The following STRADA variants were observed in gnomAD, a reference collection of about 807,000 sequenced individuals.
STRADA encodes the protein STE20 related adaptor alpha.
STRADA carries 26 observed loss-of-function variants against 55.0 expected under a neutral mutation model. The ratio of observed to expected loss-of-function variants is 0.47; its 90% CI spans 0.35 to 0.66. The LOEUF is 0.66. Among genes scored for constraint, STRADA ranks in the 30% least tolerant of loss-of-function variants. STRADA has a pLI of 0.01. For synonymous variants in STRADA, 197 were observed against 210.9 expected, an observed-to-expected ratio of 0.93 and a Z score of 0.57; for missense variants, 443 against 549.7, an observed-to-expected ratio of 0.81 and a Z score of 1.94.
intron 3 of STRADA, 63 bp from the exon 4 acceptor site, chr17:63,723,389 A>G: frequency 6.3e-7 from 1 of 1,589,986 alleles, no homozygotes; most frequent in Admixed American, 1.7e-5. Flanking sequence ...CCACATTCAG[A>G]ACAGCAATTA....
rs57585655 is a variant in STRADA, at chr17:63,740,147, T to TACACACACACAC, written c.-45+1582_-45+1593dup. 8.4e-4 allele frequency among the ~76,000 whole-genome samples: 56 copies of TACACACACACAC among 66,976 alleles called. 4 individuals carry two copies. The highest frequency in any genetic ancestry group is 3.6e-3 in the South Asian group (5 of 1,402). The allele number at this position is 66,976 out of a possible 152,430, so 43.9% of individuals were successfully genotyped here. On this transcript the variant is annotated intron_variant, in intron 1 of 12. Coordinates refer to ENST00000336174, the MANE Select transcript of STRADA (RefSeq NM_001003787.4). ...ATATATACACATACATATATATATA[T>TACACACACACAC]ACACACACACACACACACACACACA...
chr17:63,713,929 A>G (rs1168629585), intron 5 of STRADA, 77 bp downstream of exon 5: 1 of 1,191,420 alleles, frequency 8.4e-7, no homozygotes, highest in African/African-American at 1.5e-5. Context: ...TGCTGTACAC[A>G]CATCTGGGGC....
chr17:63,728,459 T>C, intron 1 of STRADA, 46 bp from the exon 2 acceptor site: 1 of 1,093,534 alleles, frequency 9.1e-7, no homozygotes, highest in South Asian at 1.4e-5. Context: ...AATCTCCTTA[T>C]AGAGAAATAT....
intron 11 of STRADA, 66 bp downstream of exon 11, chr17:63,704,275 C>T: frequency 6.3e-7 from 1 of 1,594,964 alleles, no homozygotes; most frequent in Non-Finnish European, 8.5e-7. Flanking sequence ...TCCCTTCACA[C>T]CCTGGCCTTA....
At chr17:63,714,242 C>T (rs2036707915) in intron 4 of STRADA, 134 bp from the exon 5 acceptor site, 1 of 677,018 alleles carries the variant, frequency 1.5e-6, no homozygotes, top group Middle Eastern at 2.5e-4. Context: ...AGTGCCAGCA[C>T]TATTTGAAGA....
intron 6 of STRADA, among the ~76,000 whole-genome samples, chr17:63,711,374 A>G (rs1470878065): frequency 6.6e-6 from 1 of 151,998 alleles, no homozygotes; most frequent in African/African-American, 2.4e-5. Context: ...TTTTTGAGAC[A>G]GGGTCTTGCT....
intron 4 of STRADA, among the ~76,000 whole-genome samples, chr17:63,716,879 T>C (rs548517002): frequency 6.6e-6 from 1 of 152,362 alleles, no homozygotes; most frequent in Non-Finnish European, 1.5e-5. Context: ...ATAAAACATA[T>C]GCTACAATGC....
At chr17:63,731,871 TTTG>T (rs1302318247) in intron 1 of STRADA, among the ~76,000 whole-genome samples, 7 of 152,092 alleles carry the variant, frequency 4.6e-5, no homozygotes, top group Non-Finnish European at 1.5e-5. Context: ...CTTTCTTTCT[TTTG>T]TTTTTTATGA....
chr17:63,722,798 TCA>T (rs1382633514), intron 4 of STRADA, among the ~76,000 whole-genome samples: 4 of 152,206 alleles, frequency 2.6e-5, no homozygotes, highest in Admixed American at 2.6e-4. Flanking sequence ...CTTGCAGCTT[TCA>T]CCAATGAAAA....
chr17:63,730,223 T>C (rs1005157202), intron 1 of STRADA, among the ~76,000 whole-genome samples: 3 of 152,096 alleles, frequency 2.0e-5, no homozygotes, highest in Admixed American at 1.3e-4. Flanking sequence ...ATATAGCTAT[T>C]ATTAACTTTT....
chr17:63,731,614 C>G lies in STRADA; in HGVS notation c.-44-3201G>C, dbSNP rs144421347. Among the ~76,000 whole-genome samples, 814 of 152,172 alleles carry G rather than the reference C, an allele frequency of 5.3e-3. 6 individuals carry two copies. Among genetic ancestry groups the G allele is most frequent in the African/African-American group, 0.018 (743 of 41,502 alleles). The stretch of plus-strand genomic sequence containing the variant: ...CTTTTCCAACCCCAGCTGAGAATCA[C>G]TCATTTATCTTGTCACAAAATTTTA... On this transcript the variant is annotated intron_variant, in intron 1 of 12. Coordinates refer to ENST00000336174, the MANE Select transcript of STRADA (RefSeq NM_001003787.4).
chr17:63,740,143 TATATACACAC>T lies in STRADA; in HGVS notation c.-45+1588_-45+1597del, dbSNP rs1231422561. On this transcript the variant is annotated intron_variant, in intron 1 of 12. Coordinates refer to ENST00000336174, the MANE Select transcript of STRADA (RefSeq NM_001003787.4). ...ATATATATATACACATACATATATA[TATATACACAC>T]ACACACACACACACACACACACACA... Among the ~76,000 whole-genome samples, 12 of 46,600 alleles carry T rather than the reference TATATACACAC, an allele frequency of 2.6e-4. 2 individuals carry two copies. Among genetic ancestry groups the T allele is most frequent in the Non-Finnish European group, 4.3e-4 (11 of 25,698 alleles). The allele number at this position is 46,600 out of a possible 152,430, so 30.6% of individuals were successfully genotyped here.
intron 1 of STRADA, among the ~76,000 whole-genome samples, chr17:63,733,355 C>CT (rs10632580): frequency 0.36 from 53,749 of 150,864 alleles, 11,748 homozygotes; most frequent in African/African-American, 0.62. Context: ...AGAATACAAT[C>CT]TTTTTTTTTT....
At chr17:63,729,932 G>T (rs1039081053) in intron 1 of STRADA, among the ~76,000 whole-genome samples, 4 of 151,250 alleles carry the variant, frequency 2.6e-5, no homozygotes, top group African/African-American at 7.3e-5. Context: ...CCGCCTCCCA[G>T]GTTCAAGTGA....
chr17:63,713,240 C>T (rs972192376), intron 6 of STRADA, among the ~76,000 whole-genome samples, 166 bp downstream of exon 6: 2 of 152,204 alleles, frequency 1.3e-5, no homozygotes, highest in South Asian at 4.1e-4. Flanking sequence ...TTAGGCTGAG[C>T]AGCATTTCAG....
At chr17:63,711,029 T>C (rs2143857744) in intron 6 of STRADA, 193 bp from the exon 7 acceptor site, 1 of 576,872 alleles carries the variant, frequency 1.7e-6, no homozygotes, top group Middle Eastern at 4.6e-4. Flanking sequence ...GACCCAGCAC[T>C]GCTTTGCCTC....
chr17:63,703,786 G>C, intron 12 of STRADA, 35 bp from the exon 13 acceptor site: 1 of 1,611,116 alleles, frequency 6.2e-7, no homozygotes, highest in Non-Finnish European at 8.5e-7. Flanking sequence ...GACAGATCCT[G>C]TTGCTCTGGG....
intron 1 of STRADA, among the ~76,000 whole-genome samples, chr17:63,735,399 C>T (rs1476845391): frequency 2.6e-5 from 4 of 152,176 alleles, no homozygotes; most frequent in African/African-American, 4.8e-5. Flanking sequence ...CGAATCTCAA[C>T]GTTAATAACT....
chr17:63,717,563 C>T (rs1308613706), intron 4 of STRADA, among the ~76,000 whole-genome samples: 1 of 152,138 alleles, frequency 6.6e-6, no homozygotes, highest in African/African-American at 2.4e-5. Context: ...TTACTGCAAC[C>T]TCTGCCTCCT....
Sources: allele counts gnomAD v4.1 joint callset (sites outside exome capture counted in the v4.1 genomes callset), GRCh38; gene constraint gnomAD v4.1.1; transcripts MANE v1.5; gene names NCBI Gene and HGNC (gene_info 2026-07-23, HGNC 2026-07-21).